PCDH15: variants seen among roughly 807,000 people sequenced by gnomAD.
PCDH15 encodes the protein protocadherin related 15.
In PCDH15, 129 loss-of-function variants were observed where a neutral mutation model predicts 178.5. The observed-to-expected ratio is 0.72, with a 90% CI of 0.63 to 0.84. The LOEUF is 0.84. Ranked by LOEUF, PCDH15 falls within the 40% of genes least tolerant of loss-of-function variation. The pLI is 0.00. For synonymous variants in PCDH15, 800 were observed against 732.0 expected, an observed-to-expected ratio of 1.09 and a Z score of -1.50; for missense variants, 2,230 against 2,099.9, an observed-to-expected ratio of 1.06 and a Z score of -1.21.
intron 1 of PCDH15, among the ~76,000 whole-genome samples, chr10:54,668,560 T>C (rs1207049864): frequency 6.6e-6 from 1 of 152,164 alleles, no homozygotes; most frequent in East Asian, 1.9e-4. Context: ...TGCCTTTCAC[T>C]TTCAAATATA....
intron 25 of PCDH15, among the ~76,000 whole-genome samples, chr10:53,931,554 A>G (rs1564799838): frequency 6.6e-6 from 1 of 152,178 alleles, no homozygotes; most frequent in Admixed American, 6.5e-5. Flanking sequence ...TATCCACTAA[A>G]TTCTGTTCTA....
intron 13 of PCDH15, among the ~76,000 whole-genome samples, chr10:54,163,217 G>A (rs1377190269): frequency 6.6e-6 from 1 of 152,034 alleles, no homozygotes; most frequent in Admixed American, 6.6e-5. Flanking sequence ...TATACTTAGA[G>A]GAAATGTATC....
rs180768486 is a variant in PCDH15 at position 55,085,646 on chromosome 10, A to C, written c.-80+80930T>G. On this transcript the variant is annotated intron_variant, in intron 2 of 5. Coordinates refer to the PCDH15 transcript ENST00000458638. ...CTACATACCCATATAAATTAAACAA[A>C]AAAATTATTAAACTGTTTTTATGCC... Among the ~76,000 whole-genome samples the C allele has an allele frequency of 2.0e-5, 3 of 150,214 alleles. No individual in the cohort carries two copies. In the Admixed American group the frequency reaches 2.1e-4, roughly 10 times the overall value.
At position 55,008,680 on chromosome 10, in the gene PCDH15, G is replaced by A. The variant is rs889933759; in HGVS notation, c.-79-111180C>T. On this transcript the variant is annotated intron_variant, in intron 2 of 5. Coordinates refer to the PCDH15 transcript ENST00000458638. Reference sequence around the variant, plus strand: ...AATACCCCCAGCAACAAGTAAATCCGTGGACTCAAAGACAGGCAGGCCTCC... The same window carrying A: ...AATACCCCCAGCAACAAGTAAATCCATGGACTCAAAGACAGGCAGGCCTCC... 3.3e-5 allele frequency among the ~76,000 whole-genome samples: 5 copies of A among 152,024 alleles called. No individual in the cohort carries two copies. In the East Asian group the frequency reaches 5.8e-4, roughly 18 times the overall value.
intron 2 of PCDH15, among the ~76,000 whole-genome samples, chr10:55,459,202 G>T: frequency 7.0e-6 from 1 of 142,708 alleles, no homozygotes; most frequent in East Asian, 2.1e-4. Context: ...TAAATAGAGA[G>T]GGCAATTAGC....
intron 14 of PCDH15, among the ~76,000 whole-genome samples, chr10:54,141,948 T>C (rs989897013): frequency 6.6e-6 from 1 of 152,306 alleles, no homozygotes; most frequent in African/African-American, 2.4e-5. Flanking sequence ...AGTATTTAAG[T>C]GAAATGAGAT....
intron 2 of PCDH15, among the ~76,000 whole-genome samples, chr10:54,639,629 T>C (rs1009671759): frequency 2.0e-5 from 3 of 152,100 alleles, no homozygotes; most frequent in Non-Finnish European, 4.4e-5. Context: ...ATTCAATACA[T>C]TGAGTTGTTT....
intron 2 of PCDH15, among the ~76,000 whole-genome samples, chr10:55,341,727 G>A (rs1313225836): frequency 3.0e-4 from 39 of 128,828 alleles, no homozygotes; most frequent in Middle Eastern, 6.2e-3. Flanking sequence ...GCGCCACCAC[G>A]CCCAGCTAAT....
intron 1 of PCDH15, among the ~76,000 whole-genome samples, chr10:55,259,208 T>C (rs766988247): frequency 6.6e-6 from 1 of 152,008 alleles, no homozygotes; most frequent in Admixed American, 6.6e-5. Flanking sequence ...AACACAAGAG[T>C]CTTTGCTTCA....
chr10:54,195,788 A>G lies in PCDH15; in HGVS notation c.1200T>C (p.Tyr400=). 6.2e-7 allele frequency: 1 copy of G among 1,614,022 alleles called. No homozygotes were observed. Among genetic ancestry groups the G allele is most frequent in the Non-Finnish European group, 8.5e-7 (1 of 1,179,882 alleles). Residue 400 remains tyrosine, a synonymous_variant, in exon 11 of 38, where the codon TAT becomes TAC. Coordinates refer to ENST00000644397, the MANE Select transcript of PCDH15 (RefSeq NM_001384140.1). The stretch of plus-strand genomic sequence containing the variant: ...GGGCAGATTCCAGGATATAGCCTTG[A>G]TAACTGGGCATTGTAAAATATGGAC... The part of the protein sequence containing the change: ...NQSPYFTMPS[Y]QGYILESAPV...
At position 55,316,898 on chromosome 10, in the gene PCDH15, T is replaced by C. The variant is rs144690851; in HGVS notation, c.-156+2701A>G. ...ATTATTTGCATAATTATAGCTCTCA[T>C]ACTGAGCTTTCCCCCAGCACTAGAC... On this transcript the variant is annotated intron_variant, in intron 1 of 5. Coordinates refer to the PCDH15 transcript ENST00000458638. Among the ~76,000 whole-genome samples, 786 of 152,292 alleles carry C rather than the reference T, an allele frequency of 5.2e-3. 12 individuals are homozygous for C. The highest frequency in any genetic ancestry group is 0.018 in the African/African-American group (740 of 41,574).
rs1321557988 is a variant in PCDH15, at chr10:53,876,197, TG to T, written c.3502-9341del. Among the ~76,000 whole-genome samples the T allele has an allele frequency of 2.1e-4, 11 of 53,236 alleles. No homozygotes were observed. In the African/African-American group the frequency reaches 2.3e-3, roughly 11 times the overall value. The allele number at this position is 53,236 out of a possible 152,430, so 34.9% of individuals were successfully genotyped here. A position where few individuals can be genotyped will look rare whatever the true frequency, so the allele number is the denominator to read the frequency against. On this transcript the variant is annotated intron_variant, in intron 26 of 37. Coordinates refer to ENST00000644397, the MANE Select transcript of PCDH15 (RefSeq NM_001384140.1). ...AGTCTTGTTTTTTTTTTTGTTTTTT[TG>T]TTTTTTTTTTGACACAGTCTTGCTC...
At chr10:54,109,680 C>T (rs1318540959) in intron 15 of PCDH15, among the ~76,000 whole-genome samples, 1 of 151,924 alleles carries the variant, frequency 6.6e-6, no homozygotes, top group Non-Finnish European at 1.5e-5. Flanking sequence ...GGGATGGTTC[C>T]CAAAGGCAGG....
chr10:54,824,264 C>T (rs1451695742), intron 3 of PCDH15, among the ~76,000 whole-genome samples: 1 of 152,064 alleles, frequency 6.6e-6, no homozygotes, highest in African/African-American at 2.4e-5. Context: ...CCCACTATTA[C>T]AGGGGTTATT....
chr10:54,915,767 A>G (rs1954891691), intron 2 of PCDH15, among the ~76,000 whole-genome samples: 1 of 152,194 alleles, frequency 6.6e-6, no homozygotes, highest in Admixed American at 6.5e-5. Flanking sequence ...CCCATTCTGT[A>G]AGATTCTAAA....
chr10:54,639,230 C>A (rs1441797424), intron 2 of PCDH15, among the ~76,000 whole-genome samples: 3 of 152,062 alleles, frequency 2.0e-5, no homozygotes, highest in Non-Finnish European at 2.9e-5. Context: ...CATGTTGCCA[C>A]TTTGAAAGTT....
chr10:54,893,443 G>A (rs1204865480), intron 3 of PCDH15, among the ~76,000 whole-genome samples: 2 of 151,852 alleles, frequency 1.3e-5, no homozygotes, highest in Non-Finnish European at 2.9e-5. Flanking sequence ...ATTTGTGTGA[G>A]GTAAGTCCTC....
chr10:54,329,947 T>G (rs1939093343), intron 6 of PCDH15, among the ~76,000 whole-genome samples: 1 of 151,840 alleles, frequency 6.6e-6, no homozygotes, highest in South Asian at 2.1e-4. Flanking sequence ...GTCATAGTTT[T>G]TAATATATTA....
Position 54,876,250 on chromosome 10 carries a change from A to T in PCDH15, c.-29+21200T>A, listed in dbSNP as rs531517074. Among the ~76,000 whole-genome samples, 354 of 152,178 alleles carry T rather than the reference A, an allele frequency of 2.3e-3. 4 individuals carry two copies. Among genetic ancestry groups the T allele is most frequent in the African/African-American group, 5.9e-3 (243 of 41,512 alleles). On this transcript the variant is annotated intron_variant, in intron 3 of 5. Coordinates refer to the PCDH15 transcript ENST00000458638. ...ATTGAGATCTACTTCACAGAAAAAA[A>T]AATTTTTAATATTCCTGCTTACTCA...
Sources: allele counts gnomAD v4.1 joint callset (sites outside exome capture counted in the v4.1 genomes callset), GRCh38; gene constraint gnomAD v4.1.1; transcripts MANE v1.5; gene names NCBI Gene and HGNC (gene_info 2026-07-23, HGNC 2026-07-21).